Variants in UBE3C observed in about 807,000 individuals in gnomAD.
UBE3C encodes ubiquitin-protein ligase E3C.
A neutral mutation model predicts 129.4 loss-of-function variants in UBE3C; 42 were observed. The ratio of observed to expected loss-of-function variants is 0.32; its 90% CI spans 0.25 to 0.42. UBE3C has a LOEUF of 0.42. Ranked by LOEUF, UBE3C falls within the 10% of genes least tolerant of loss-of-function variation. The probability of loss-of-function intolerance (pLI) is 1.00; values close to 1 mark genes in which losing one functional copy is unlikely to be tolerated. For missense variants in UBE3C, 1,049 were observed against 1,319.1 expected (o/e 0.80, Z 3.17); for synonymous variants, 510 against 492.4 (o/e 1.04, Z -0.47).
intron 1 of UBE3C, among the ~76,000 whole-genome samples, chr7:157,152,964 G>T (rs892314048): frequency 1.3e-5 from 2 of 152,318 alleles, no homozygotes; most frequent in Admixed American, 6.5e-5. Context: ...GGGAGGCTGA[G>T]GGGGGTGGAT....
At chr7:157,252,521 A>G (rs1007799070) in intron 19 of UBE3C, among the ~76,000 whole-genome samples, 1 of 152,268 alleles carries the variant, frequency 6.6e-6, no homozygotes, top group African/African-American at 2.4e-5. Flanking sequence ...TGAAACGTTA[A>G]AAGAAGCAGA....
At position 157,139,337 on chromosome 7, in the gene UBE3C, A is replaced by G. The variant is rs1807356634; in HGVS notation, c.65A>G (p.Lys22Arg). The change falls in exon 1 of 23, where the codon AAG becomes AGG. Residue 22 changes from lysine to arginine, a missense_variant and splice_region_variant. Transcript: ENST00000348165. ...PKVSLGGASR[K>R]EEKASLLHRT... ...GTGTCCCTTGGCGGCGCGAGCAGGA[A>G]GGTGAGGGCCGGGCTGGCGGGGCGC... 2 of 1,578,706 alleles carry G rather than the reference A, an allele frequency of 1.3e-6. No homozygotes were observed. The highest frequency in any genetic ancestry group is 1.1e-5 in the South Asian group (1 of 88,188).
At chr7:157,199,200 A>T (rs934861652) in intron 10 of UBE3C, among the ~76,000 whole-genome samples, 18 of 152,246 alleles carry the variant, frequency 1.2e-4, no homozygotes, top group African/African-American at 4.3e-4. Flanking sequence ...TTCTCAACTG[A>T]AGAGAAAATA....
chr7:157,172,163 C>G (rs568092545), intron 4 of UBE3C, among the ~76,000 whole-genome samples: 1 of 151,790 alleles, frequency 6.6e-6, no homozygotes, highest in African/African-American at 2.4e-5. Context: ...CCCTGAGTAA[C>G]TGGGGTTACA....
At chr7:157,151,331 A>G (rs1807751930) in intron 1 of UBE3C, among the ~76,000 whole-genome samples, 1 of 152,392 alleles carries the variant, frequency 6.6e-6, no homozygotes, top group Admixed American at 6.5e-5. Flanking sequence ...TATTGGCTAC[A>G]TAAATAACAA....
intron 22 of UBE3C, among the ~76,000 whole-genome samples, 184 bp from the exon 23 acceptor site, chr7:157,267,401 G>A (rs929107751): frequency 3.3e-5 from 5 of 152,312 alleles, no homozygotes; most frequent in Admixed American, 6.5e-5. Flanking sequence ...CAGCCTGGGC[G>A]ACAGAGCTAG....
intron 4 of UBE3C, among the ~76,000 whole-genome samples, chr7:157,174,606 C>T (rs1357048383): frequency 2.0e-5 from 3 of 152,070 alleles, no homozygotes; most frequent in African/African-American, 7.2e-5. Flanking sequence ...ATGTGTGCCA[C>T]CACGCTCGGC....
chr7:157,211,080 C>T (rs1201559926), intron 13 of UBE3C, among the ~76,000 whole-genome samples: 1 of 151,532 alleles, frequency 6.6e-6, no homozygotes, highest in Non-Finnish European at 1.5e-5. Flanking sequence ...CCAAACTTAA[C>T]AGGAGTTTCC....
At chr7:157,143,190 T>C (rs1214793238) in intron 1 of UBE3C, among the ~76,000 whole-genome samples, 6 of 152,140 alleles carry the variant, frequency 3.9e-5, no homozygotes, top group Admixed American at 3.3e-4. Context: ...TAAGTCACAC[T>C]GATTTCTATC....
intron 17 of UBE3C, among the ~76,000 whole-genome samples, chr7:157,225,837 G>A (rs1465315050): frequency 1.3e-5 from 2 of 152,154 alleles, no homozygotes; most frequent in East Asian, 1.9e-4. Context: ...TGTTGTCCCT[G>A]CTCTGCAAAA....
chr7:157,237,887 TAAA>T (rs3837147), intron 18 of UBE3C, among the ~76,000 whole-genome samples: 10 of 111,008 alleles, frequency 9.0e-5, no homozygotes, highest in Non-Finnish European at 1.0e-4. Flanking sequence ...TCTCTACCAC[TAAA>T]AAAAAAAAAA....
intron 10 of UBE3C, among the ~76,000 whole-genome samples, chr7:157,197,126 A>G (rs1167462584): frequency 1.3e-5 from 2 of 152,212 alleles, no homozygotes; most frequent in East Asian, 3.8e-4. Flanking sequence ...AGAAATAATT[A>G]TTGTATGATC....
intron 5 of UBE3C, 49 bp downstream of exon 5, chr7:157,175,083 T>G (rs1198531279): frequency 7.7e-7 from 1 of 1,292,836 alleles, no homozygotes; most frequent in South Asian, 1.6e-5. Context: ...TTGATCACCT[T>G]GTCTAGGGGA....
intron 10 of UBE3C, chr7:157,198,033 A>G (rs1809172067): frequency 5.0e-6 from 8 of 1,605,396 alleles, no homozygotes; most frequent in Non-Finnish European, 6.8e-6. Flanking sequence ...GCCACCATGA[A>G]CAAGGCACTG....
intron 1 of UBE3C, among the ~76,000 whole-genome samples, chr7:157,162,534 A>G (rs1409872057): frequency 6.8e-6 from 1 of 146,040 alleles, no homozygotes; most frequent in African/African-American, 2.5e-5. Context: ...AGTGTCTCCA[A>G]TCTTGAACTT....
chr7:157,163,922 G>T, intron 2 of UBE3C, 59 bp downstream of exon 2: 1 of 1,542,906 alleles, frequency 6.5e-7, no homozygotes, highest in Non-Finnish European at 8.9e-7. Flanking sequence ...ATTTAAACAT[G>T]CCTTGGTTTT....
intron 13 of UBE3C, among the ~76,000 whole-genome samples, chr7:157,216,259 A>G (rs1795565539): frequency 6.6e-6 from 1 of 151,024 alleles, no homozygotes; most frequent in Non-Finnish European, 1.5e-5. Context: ...AAACTCAGAA[A>G]TACTCTTTCA....
intron 18 of UBE3C, among the ~76,000 whole-genome samples, chr7:157,244,346 A>G (rs1054448805): frequency 9.2e-5 from 14 of 152,228 alleles, no homozygotes; most frequent in Non-Finnish European, 4.4e-5. Flanking sequence ...TTCAATTCCA[A>G]CTTACTAATT....
intron 1 of UBE3C, among the ~76,000 whole-genome samples, chr7:157,139,772 C>T (rs1807379124): frequency 6.6e-6 from 1 of 152,212 alleles, no homozygotes; most frequent in African/African-American, 2.4e-5. Context: ...GCTTTCCATG[C>T]TCGCTCCCGC....
Sources: allele counts gnomAD v4.1 joint callset (sites outside exome capture counted in the v4.1 genomes callset), GRCh38; gene constraint gnomAD v4.1.1; transcripts MANE v1.5; gene names NCBI Gene and HGNC (gene_info 2026-07-23, HGNC 2026-07-21).